LILRB4: variants seen among roughly 807,000 people sequenced by gnomAD.
LILRB4 encodes leukocyte immunoglobulin like receptor B4.
Under a neutral mutation model 55.2 loss-of-function variants are expected in LILRB4, and 49 were observed. That is an observed-to-expected ratio of 0.89 (90% confidence interval 0.71 to 1.13). The LOEUF (loss-of-function observed/expected upper bound fraction) is 1.13, where lower values mean the gene tolerates loss of function less well. Among genes scored for constraint, LILRB4 ranks in the 50% most tolerant of loss-of-function variants. LILRB4 has a pLI of 0.00. For synonymous variants in LILRB4, 229 were observed against 213.8 expected (o/e 1.07, Z -0.62); for missense variants, 590 against 555.2 (o/e 1.06, Z -0.63).
exon 11 of LILRB4, chr19:54,667,679 G>A (rs781465291): frequency 1.9e-6 from 3 of 1,610,988 alleles, no homozygotes; most frequent in Non-Finnish European, 2.5e-6. Flanking sequence ...CGTATGCCAA[G>A]GTGAAACACT....
At chr19:54,664,371 C>T (rs1375911983) in exon 4 of LILRB4, 4 of 1,613,862 alleles carry the variant, frequency 2.5e-6, no homozygotes, top group Non-Finnish European at 2.5e-6. Flanking sequence ...GGCTGAATTC[C>T]CCATGAGTCC....
In LILRB4 at chr19:54,665,875, CCCTCCTCCTCTT is replaced by C. The variant is rs761391971; in HGVS notation, c.829_840del (p.Phe277_Leu280del). The C allele has an allele frequency of 3.1e-6, 5 of 1,613,676 alleles. No individual in the cohort carries two copies. The highest frequency in any genetic ancestry group is 3.4e-6 in the Non-Finnish European group (4 of 1,179,880). ...TTGGTGGTCTCCATCCTGCTTCTCT[CCCTCCTCCTCTT>C]CCTCCTCCTCCAACACTGGCGTCAG... On this transcript the variant is annotated inframe_deletion, in exon 7 of 12. Transcript: ENST00000430952. The surrounding 1 kb of genome is among the most constrained non-coding windows in gnomAD (Gnocchi z 5.5).
At chr19:54,663,050 C>A (rs529915221) in exon 1 of LILRB4, 2 of 1,613,792 alleles carry the variant, frequency 1.2e-6, no homozygotes, top group East Asian at 4.5e-5. Flanking sequence ...CCCACCTTCA[C>A]GGCTCTGCTC....
rs771643537 is a variant in LILRB4 at position 54,666,654 on chromosome 19, G to A, written c.989-43G>A. ...GGACCAGCAGGAATGAGAGGTCCCA[G>A]GGAACCTTCCCAGGAGATGAACCCC... On this transcript the variant is annotated intron_variant, in intron 9 of 11. Transcript: ENST00000430952. The surrounding 1 kb of genome is among the most constrained non-coding windows in gnomAD (Gnocchi z 4.8). The A allele has an allele frequency of 5.0e-6, 8 of 1,603,238 alleles. No homozygotes were observed. Among genetic ancestry groups the A allele is most frequent in the Middle Eastern group, 1.7e-4 (1 of 6,030 alleles).
At position 54,666,393 on chromosome 19, in the gene LILRB4, C is replaced by T. The variant is rs1373869411; in HGVS notation, c.951-6C>T. Reference sequence around the variant, plus strand: ...TGTCCCCTTACACTCCCGTATCCTCCCCCAGGTCCAGCCCAGCTGCTGACG... The same window carrying T: ...TGTCCCCTTACACTCCCGTATCCTCTCCCAGGTCCAGCCCAGCTGCTGACG... On this transcript the variant is annotated splice_polypyrimidine_tract_variant and splice_region_variant and intron_variant, in intron 8 of 11. Transcript: ENST00000430952. The surrounding 1 kb of genome is among the most constrained non-coding windows in gnomAD (Gnocchi z 4.8). The T allele has an allele frequency of 6.2e-7, 1 of 1,614,056 alleles. No homozygotes were observed. The highest frequency in any genetic ancestry group is 8.5e-7 in the Non-Finnish European group (1 of 1,179,924).
At position 54,666,299 on chromosome 19, in the gene LILRB4, G is replaced by A. The variant is rs146946125; in HGVS notation, c.934G>A (p.Gly312Arg). ...GGCTGCCGAGCCAGAGCCCAAGGAC[G>A]GGGGCCTACAGAGGAGGTAATTCTG... Residue 312 changes from glycine to arginine, a missense_variant, in exon 8 of 12, where the codon GGG becomes AGG. Coordinates refer to ENST00000430952, the Ensembl canonical transcript of LILRB4. This position sits in a 1 kb window ranked among gnomAD's most constrained non-coding sequence, Gnocchi z 4.8. The A allele has an allele frequency of 3.7e-4, 594 of 1,610,150 alleles. No individual in the cohort carries two copies. The highest frequency in any genetic ancestry group is 4.6e-4 in the South Asian group (42 of 90,654).
In LILRB4 at chr19:54,667,770, G is replaced by T; in HGVS notation, c.1174G>T (p.Glu392Ter). The T allele has an allele frequency of 6.2e-7, 1 of 1,610,592 alleles. No homozygotes were observed. Among genetic ancestry groups the T allele is most frequent in the Non-Finnish European group, 8.5e-7 (1 of 1,179,628 alleles). Residue 392 changes from glutamate to a stop codon, truncating the protein, a stop_gained, in exon 11 of 12, where the codon GAG (glutamate) becomes TAG (stop). Coordinates refer to ENST00000430952, the Ensembl canonical transcript of LILRB4. LOFTEE classifies it high-confidence loss of function. ...GGACACAAAGGACAGACAGGCAGAA[G>T]AGGACAGACAGATGGACACTGAGGT...
At chr19:54,664,071 C>A (rs755195313) in intron 3 of LILRB4, 33 bp downstream of exon 3, 1 of 1,609,518 alleles carries the variant, frequency 6.2e-7, no homozygotes, top group East Asian at 2.2e-5. Context: ...CAGCCCCAGG[C>A]TCTGCCCTCA....
chr19:54,665,757 C>T lies in LILRB4; in HGVS notation c.758-58C>T. 1.3e-6 allele frequency: 2 copies of T among 1,551,078 alleles called. No individual in the cohort carries two copies. The highest frequency in any genetic ancestry group is 8.7e-7 in the Non-Finnish European group (1 of 1,144,724). On this transcript the variant is annotated intron_variant, in intron 6 of 11. Coordinates refer to ENST00000430952, the Ensembl canonical transcript of LILRB4. The surrounding 1 kb of genome is among the most constrained non-coding windows in gnomAD (Gnocchi z 5.5). Reference sequence around the variant, plus strand: ...ACCCAGCACACACAGTAGGTGCACACACAGTAGGTGTGCACATCAATGACA... The same window carrying T: ...ACCCAGCACACACAGTAGGTGCACATACAGTAGGTGTGCACATCAATGACA...
In LILRB4 at chr19:54,666,360, C is replaced by T; in HGVS notation, c.951-39C>T. 6.2e-7 allele frequency: 1 copy of T among 1,612,100 alleles called. No individual in the cohort carries two copies. Among genetic ancestry groups the T allele is most frequent in the African/African-American group, 1.3e-5 (1 of 74,974 alleles). On this transcript the variant is annotated intron_variant, in intron 8 of 11. Coordinates refer to ENST00000430952, the Ensembl canonical transcript of LILRB4. The surrounding 1 kb of genome is among the most constrained non-coding windows in gnomAD (Gnocchi z 4.8). ...TCAGACTCCCACCCATCCCAACAGC[C>T]ACCTCACTGTCCCCTTACACTCCCG...
Position 54,666,576 on chromosome 19 carries a change from G to A in LILRB4, c.989-121G>A. 7 of 1,424,170 alleles carry A rather than the reference G, an allele frequency of 4.9e-6. No homozygotes were observed. The highest frequency in any genetic ancestry group is 5.9e-6 in the Non-Finnish European group (6 of 1,021,550). The allele number at this position is 1,424,170 out of a possible 1,614,324, so 88.2% of individuals were successfully genotyped here. On this transcript the variant is annotated intron_variant, in intron 9 of 11. Coordinates refer to ENST00000430952, the Ensembl canonical transcript of LILRB4. This position sits in a 1 kb window ranked among gnomAD's most constrained non-coding sequence, Gnocchi z 4.8. ...TCTGAACCCACATTGTGGGACCTCG[G>A]GGACATCACAGCCCCTCCCTGCGTT...
chr19:54,668,122 C>G, exon 12 of LILRB4: 1 of 1,347,236 alleles, frequency 7.4e-7, no homozygotes, highest in Non-Finnish European at 1.0e-6. Flanking sequence ...AGCCCAGACC[C>G]CTGACACAGA....
chr19:54,667,677 AAGGTGAAACACTCC>A lies in LILRB4; in HGVS notation c.1084_1097del (p.Val362ThrfsTer2). 7.0e-7 allele frequency: 1 copy of A among 1,428,390 alleles called. No homozygotes were observed. Among genetic ancestry groups the A allele is most frequent in the South Asian group, 1.3e-5 (1 of 74,940 alleles). 88.5% of individuals were successfully genotyped at this position (1,428,390 alleles called of 1,614,324 possible). On this transcript the variant is annotated frameshift_variant, in exon 11 of 12. Coordinates refer to ENST00000430952, the Ensembl canonical transcript of LILRB4. LOFTEE classifies it high-confidence loss of function. ...AGACCCCCAGGCAGTGACGTATGCC[AAGGTGAAACACTCC>A]AGACCTAGGAGAGAAATGGCCTCTC...
exon 3 of LILRB4, chr19:54,663,886 C>T (rs1413258727): frequency 1.9e-6 from 3 of 1,614,168 alleles, no homozygotes; most frequent in South Asian, 1.1e-5. Context: ...AGCCCAGCAC[C>T]CTGGGACAGA....
At position 54,666,298 on chromosome 19, in the gene LILRB4, C is replaced by T. The variant is rs372467569; in HGVS notation, c.933C>T (p.Asp311=). The T allele has an allele frequency of 5.0e-5, 80 of 1,609,932 alleles. No homozygotes were observed. Among genetic ancestry groups the T allele is most frequent in the African/African-American group, 2.5e-4 (19 of 74,820 alleles). ...GGGCTGCCGAGCCAGAGCCCAAGGA[C>T]GGGGGCCTACAGAGGAGGTAATTCT... The change falls in exon 8 of 12, where the codon GAC becomes GAT. Residue 311 remains aspartate, a synonymous_variant. Transcript: ENST00000430952. The surrounding 1 kb of genome is among the most constrained non-coding windows in gnomAD (Gnocchi z 4.8).
In LILRB4 at chr19:54,666,213, G is replaced by T. The variant is rs1276709788; in HGVS notation, c.875-27G>T. The T allele has an allele frequency of 3.2e-6, 5 of 1,562,938 alleles. No homozygotes were observed. The African/African-American group carries it at 5.5e-5, about 17-fold the overall frequency. ...GGCAGGTGGTTCTAACGTTCCCAGAGCTGAGACTCTGTCCATCTTCCCCCA... is the reference window on the plus strand; with the variant it reads ...GGCAGGTGGTTCTAACGTTCCCAGATCTGAGACTCTGTCCATCTTCCCCCA... On this transcript the variant is annotated intron_variant, in intron 7 of 11. Transcript: ENST00000430952. The surrounding 1 kb of genome is among the most constrained non-coding windows in gnomAD (Gnocchi z 4.8).
At chr19:54,664,509 T>C in intron 4 of LILRB4, 24 bp downstream of exon 4, 2 of 1,575,348 alleles carry the variant, frequency 1.3e-6, no homozygotes, top group Non-Finnish European at 1.7e-6. Flanking sequence ...CCCTGTCCTC[T>C]CTGAGCTCAG....
At chr19:54,667,654 A>G in exon 11 of LILRB4, 1 of 1,610,242 alleles carries the variant, frequency 6.2e-7, no homozygotes, top group South Asian at 1.1e-5. Flanking sequence ...CACGATGAAG[A>G]CCCCCAGGCA....
chr19:54,663,873 G>A, exon 3 of LILRB4: 1 of 1,614,150 alleles, frequency 6.2e-7, no homozygotes, highest in South Asian at 1.1e-5. Context: ...GGATAAAGAG[G>A]AAAGCCCAGC....
Sources: allele counts gnomAD v4.1 joint callset, GRCh38; gene constraint gnomAD v4.1.1; non-coding constraint Gnocchi (gnomAD v3.1); transcripts MANE v1.5; gene names NCBI Gene and HGNC (gene_info 2026-07-23, HGNC 2026-07-21).